EYS: variants seen among roughly 807,000 people sequenced by gnomAD.
The protein encoded by EYS is EGF-like photoreceptor maintenance factor.
A neutral mutation model predicts 282.1 loss-of-function variants in EYS; 250 were observed. The ratio of observed to expected loss-of-function variants is 0.89; its 90% CI spans 0.80 to 0.98. EYS has a LOEUF of 0.98. EYS is among the 50% of genes least tolerant of loss of function. The probability of loss-of-function intolerance (pLI) is 0.00; values close to 1 mark genes in which losing one functional copy is unlikely to be tolerated. For missense variants in EYS, 4,016 were observed against 3,709.0 expected (o/e 1.08, Z -2.15); for synonymous variants, 1,355 against 1,282.9 (o/e 1.06, Z -1.20).
At chr6:65,334,590 T>C (rs1194556626) in intron 11 of EYS, among the ~76,000 whole-genome samples, 1 of 151,850 alleles carries the variant, frequency 6.6e-6, no homozygotes, top group East Asian at 1.9e-4. Flanking sequence ...CATTTTAATT[T>C]TGTTAATGCT....
intron 33 of EYS, among the ~76,000 whole-genome samples, chr6:64,038,904 A>G (rs780643677): frequency 6.6e-6 from 1 of 151,892 alleles, no homozygotes; most frequent in Non-Finnish European, 1.5e-5. Flanking sequence ...TCCTAGGTTC[A>G]AGAGATTCTT....
intron 26 of EYS, among the ~76,000 whole-genome samples, chr6:64,543,415 A>G (rs1764748260): frequency 6.6e-6 from 1 of 152,124 alleles, no homozygotes; most frequent in Non-Finnish European, 1.5e-5. Context: ...TCCTTGATTT[A>G]TAATGATTTT....
chr6:64,030,728 C>T (rs1389529631), intron 33 of EYS, among the ~76,000 whole-genome samples: 2 of 152,160 alleles, frequency 1.3e-5, no homozygotes, highest in South Asian at 4.1e-4. Flanking sequence ...TTTTAACCTG[C>T]TTGTCAAATT....
rs149643223 is a variant in EYS, at chr6:64,769,164, G to A, written c.3443+44214C>T. 3.7e-4 allele frequency among the ~76,000 whole-genome samples: 56 copies of A among 152,092 alleles called. 1 individual carries two copies. Among genetic ancestry groups the A allele is most frequent in the African/African-American group, 1.3e-3 (52 of 41,516 alleles). On this transcript the variant is annotated intron_variant, in intron 22 of 42. Coordinates refer to ENST00000503581, the MANE Select transcript of EYS (RefSeq NM_001142800.2). The stretch of plus-strand genomic sequence containing the variant: ...ATGGGACAGCAACTAAAGAAGGTGC[G>A]CCTCACTCTACTATTACAGGCCTAA...
chr6:64,459,439 A>G (rs1775669454), intron 26 of EYS, among the ~76,000 whole-genome samples: 1 of 152,192 alleles, frequency 6.6e-6, no homozygotes, highest in Non-Finnish European at 1.5e-5. Flanking sequence ...ATATACTTAT[A>G]TTTGAAGGGG....
rs898177766 is a variant in EYS, at chr6:64,242,547, T to C, written c.6192-11723A>G. 2.6e-5 allele frequency among the ~76,000 whole-genome samples: 4 copies of C among 152,012 alleles called. No individual in the cohort carries two copies. In the South Asian group the frequency reaches 8.3e-4, roughly 32 times the overall value. On this transcript the variant is annotated intron_variant, in intron 30 of 42. Coordinates refer to ENST00000503581, the MANE Select transcript of EYS (RefSeq NM_001142800.2). ...TTAGCTCCTGTCATCCTCTAATCCA[T>C]CCTTCTCACTGTGTTCATTTTTCTT...
At chr6:63,778,275 C>G in intron 39 of EYS, 95 bp from the exon 40 acceptor site, 1 of 1,257,224 alleles carries the variant, frequency 8.0e-7, no homozygotes, top group Non-Finnish European at 1.1e-6. Context: ...AGAAGTTTTT[C>G]AAAATAAAGT....
intron 13 of EYS, among the ~76,000 whole-genome samples, chr6:65,051,764 G>C (rs972922459): frequency 1.7e-4 from 26 of 151,438 alleles, no homozygotes; most frequent in African/African-American, 6.0e-4. Context: ...TCCCACTTAT[G>C]TGTGGAATCT....
At chr6:64,341,806 A>G (rs1184707252) in intron 29 of EYS, among the ~76,000 whole-genome samples, 2 of 151,566 alleles carry the variant, frequency 1.3e-5, no homozygotes, top group Non-Finnish European at 3.0e-5. Flanking sequence ...ATTAATCTCT[A>G]TGTCAGTGTC....
intron 12 of EYS, among the ~76,000 whole-genome samples, chr6:65,170,245 C>CACAG (rs1554163304): frequency 6.6e-6 from 1 of 150,946 alleles, no homozygotes. Flanking sequence ...CACACACACA[C>CACAG]AGAGAGAGGA....
At chr6:64,636,316 T>C (rs1047635939) in intron 22 of EYS, among the ~76,000 whole-genome samples, 2 of 152,016 alleles carry the variant, frequency 1.3e-5, no homozygotes, top group Non-Finnish European at 2.9e-5. Flanking sequence ...CTTTGACAAA[T>C]CTGACAAAAA....
At chr6:64,151,463 A>C in intron 31 of EYS, among the ~76,000 whole-genome samples, 1 of 149,728 alleles carries the variant, frequency 6.7e-6, no homozygotes, top group African/African-American at 2.5e-5. Flanking sequence ...CAGGTTCAAG[A>C]GATTCTTGTG....
intron 41 of EYS, among the ~76,000 whole-genome samples, chr6:63,749,480 CT>C (rs1439857793): frequency 6.6e-6 from 1 of 152,100 alleles, no homozygotes; most frequent in Non-Finnish European, 1.5e-5. Context: ...GTGGAGAGTT[CT>C]GTAGATGTCT....
At chr6:64,885,523 T>C (rs777514329) in intron 19 of EYS, among the ~76,000 whole-genome samples, 44 of 151,872 alleles carry the variant, frequency 2.9e-4, no homozygotes, top group Non-Finnish European at 5.8e-4. Flanking sequence ...GCTGAGTGGA[T>C]ATATATGGTT....
intron 37 of EYS, among the ~76,000 whole-genome samples, chr6:63,796,309 T>G (rs544544191): frequency 3.3e-5 from 5 of 152,308 alleles, no homozygotes; most frequent in African/African-American, 1.2e-4. Flanking sequence ...CACAATGGTT[T>G]AGAAGCTGTT....
intron 19 of EYS, among the ~76,000 whole-genome samples, chr6:64,837,133 T>A (rs576986620): frequency 6.6e-6 from 1 of 151,878 alleles, no homozygotes; most frequent in East Asian, 1.9e-4. Context: ...TTGTTCACTT[T>A]TTGTGGTAGG....
At chr6:63,881,318 A>G (rs565781527) in intron 35 of EYS, among the ~76,000 whole-genome samples, 1 of 152,336 alleles carries the variant, frequency 6.6e-6, no homozygotes, top group South Asian at 2.1e-4. Flanking sequence ...ACTATAGCAC[A>G]GAAATAGAAC....
At chr6:65,667,602 C>A (rs750252899) in intron 1 of EYS, among the ~76,000 whole-genome samples, 1 of 151,770 alleles carries the variant, frequency 6.6e-6, no homozygotes, top group Non-Finnish European at 1.5e-5. Flanking sequence ...ATCACGAATA[C>A]CCTTATTAAT....
chr6:65,373,776 ATAT>A (rs1390859550), intron 8 of EYS, among the ~76,000 whole-genome samples: 2 of 152,098 alleles, frequency 1.3e-5, no homozygotes, highest in Non-Finnish European at 2.9e-5. Context: ...ACAATAAATA[ATAT>A]TATAATGAAC....
Sources: allele counts gnomAD v4.1 joint callset (sites outside exome capture counted in the v4.1 genomes callset), GRCh38; gene constraint gnomAD v4.1.1; transcripts MANE v1.5; gene names NCBI Gene and HGNC (gene_info 2026-07-23, HGNC 2026-07-21).